Variants in ZNF292 observed in about 807,000 individuals in gnomAD.
ZNF292 encodes 16 zinc-finger domain protein.
A neutral mutation model predicts 217.9 loss-of-function variants in ZNF292; 26 were observed. The ratio of observed to expected loss-of-function variants is 0.12; its 90% confidence interval spans 0.09 to 0.17. ZNF292 has a LOEUF of 0.17. ZNF292 is among the 10% of genes least tolerant of loss of function. ZNF292 has a pLI of 1.00. For synonymous variants in ZNF292, 1,257 were observed against 1,124.1 expected (o/e 1.12, Z -2.37); for missense variants, 2,904 against 3,175.2 (o/e 0.91, Z 2.05).
intron 1 of ZNF292, among the ~76,000 whole-genome samples, chr6:87,209,289 ATTTC>A (rs985802460): frequency 6.6e-6 from 1 of 151,780 alleles, no homozygotes; most frequent in African/African-American, 2.4e-5. Flanking sequence ...TTAAGATTTT[ATTTC>A]TTTTTGTTCC....
Position 87,178,248 on chromosome 6 carries a change from G to A in ZNF292, c.168+22489G>A, listed in dbSNP as rs183989023. ...TTTCTTTCTTCTACCTCCCAAGCTG[G>A]TGTTCTTAAAAAGAGGGAACATGCC... On this transcript the variant is annotated intron_variant, in intron 1 of 7. Transcript: ENST00000369577. 7.8e-3 allele frequency among the ~76,000 whole-genome samples: 1,193 copies of A among 152,044 alleles called. 9 individuals carry two copies. The highest frequency in any genetic ancestry group is 0.012 in the Non-Finnish European group (838 of 67,978).
chr6:87,185,011 A>C (rs1771600869), intron 1 of ZNF292, among the ~76,000 whole-genome samples: 1 of 152,178 alleles, frequency 6.6e-6, no homozygotes, highest in African/African-American at 2.4e-5. Flanking sequence ...CTCACACACT[A>C]ATGTCCTCTG....
In ZNF292 at chr6:87,256,084, C is replaced by T. The variant is rs771078002; in HGVS notation, c.2455C>T (p.Arg819Cys). The change falls in exon 8 of 8, where the codon CGT (arginine) becomes TGT (cysteine). Residue 819 changes from arginine (R) to cysteine (C), a missense_variant. Around this residue, in one of 15 missense-constraint regions of ZNF292, gnomAD observed 216 missense variants for 308.3 expected, o/e 0.70. Coordinates refer to ENST00000369577, the MANE Select transcript of ZNF292 (RefSeq NM_015021.3). Reference sequence around the variant, plus strand: ...GTTCACAGGTTGTGGTAAAGTTTATCGTTCTCAGGGTGAGCTGGAAAAGCA... The same window carrying T: ...GTTCACAGGTTGTGGTAAAGTTTATTGTTCTCAGGGTGAGCTGGAAAAGCA... ...CKFTGCGKVYRSQGELEKHLD... is the reference protein window; with the variant it reads ...CKFTGCGKVYCSQGELEKHLD... The T allele has an allele frequency of 1.6e-5, 25 of 1,612,766 alleles. No individual in the cohort carries two copies. Among genetic ancestry groups the T allele is most frequent in the Non-Finnish European group, 2.0e-5 (23 of 1,179,410 alleles).
At chr6:87,193,962 T>G (rs1582403635) in intron 1 of ZNF292, among the ~76,000 whole-genome samples, 1 of 152,092 alleles carries the variant, frequency 6.6e-6, no homozygotes, top group Admixed American at 6.5e-5. Flanking sequence ...TGAGGAGAGA[T>G]AGAAGAGGGA....
chr6:87,250,578 C>T (rs1343514059), intron 7 of ZNF292, among the ~76,000 whole-genome samples: 1 of 152,096 alleles, frequency 6.6e-6, no homozygotes, highest in Non-Finnish European at 1.5e-5. Context: ...ATAAGTAATA[C>T]AGAGATGAAT....
chr6:87,171,394 G>T (rs919270837), intron 1 of ZNF292, among the ~76,000 whole-genome samples: 9 of 147,320 alleles, frequency 6.1e-5, no homozygotes, highest in East Asian at 2.0e-4. Flanking sequence ...TTTTTTGTTG[G>T]TTTTTTTTTT....
intron 1 of ZNF292, among the ~76,000 whole-genome samples, chr6:87,181,295 T>G (rs993984343): frequency 1.8e-4 from 28 of 151,436 alleles, no homozygotes; most frequent in African/African-American, 4.9e-5. Flanking sequence ...AGCCAGAAGG[T>G]GGGGAGGGGT....
At chr6:87,203,138 T>C (rs1772142287) in intron 1 of ZNF292, among the ~76,000 whole-genome samples, 2 of 148,420 alleles carry the variant, frequency 1.3e-5, no homozygotes, top group African/African-American at 5.0e-5. Context: ...TTTTCCTTTT[T>C]TTTTTTTTTT....
intron 4 of ZNF292, among the ~76,000 whole-genome samples, chr6:87,224,743 C>G (rs1773258467): frequency 6.6e-6 from 1 of 152,112 alleles, no homozygotes; most frequent in Admixed American, 6.5e-5. Context: ...AATGGCTAAA[C>G]AAACTGTGGT....
At chr6:87,191,172 T>G (rs530405330) in intron 1 of ZNF292, among the ~76,000 whole-genome samples, 24 of 152,262 alleles carry the variant, frequency 1.6e-4, no homozygotes, top group Non-Finnish European at 3.4e-4. Flanking sequence ...GTATGGACAT[T>G]CTATAATGTG....
Position 87,260,628 on chromosome 6 carries a change from C to G in ZNF292, c.6999C>G (p.Thr2333=). 3 of 1,612,046 alleles carry G rather than the reference C, an allele frequency of 1.9e-6. No homozygotes were observed. The highest frequency in any genetic ancestry group is 2.5e-6 in the Non-Finnish European group (3 of 1,179,300). The change falls in exon 8 of 8, where the codon ACC becomes ACG. Residue 2333 remains threonine, a synonymous_variant. Coordinates refer to ENST00000369577, the MANE Select transcript of ZNF292 (RefSeq NM_015021.3). The part of the protein sequence containing the change: ...CGKEGIKMPK[T]KRKKKNNLEN... ...AGGAAGGAATAAAAATGCCCAAGAC[C>G]AAACGAAAGAAAAAAAATAATTTAG...
chr6:87,193,058 C>T (rs59214037), intron 1 of ZNF292, among the ~76,000 whole-genome samples: 12,430 of 152,202 alleles, frequency 0.082, 862 homozygotes, highest in African/African-American at 0.19. Flanking sequence ...AATGGCAACT[C>T]GGCTCACTGC....
At chr6:87,204,353 T>C (rs1014522873) in intron 1 of ZNF292, among the ~76,000 whole-genome samples, 1 of 152,114 alleles carries the variant, frequency 6.6e-6, no homozygotes, top group Admixed American at 6.5e-5. Flanking sequence ...ATACTGTGGT[T>C]ATGTGGGAGA....
intron 1 of ZNF292, among the ~76,000 whole-genome samples, chr6:87,185,661 G>T (rs1376369122): frequency 6.6e-6 from 1 of 152,134 alleles, no homozygotes; most frequent in Non-Finnish European, 1.5e-5. Context: ...TAGAGATGGG[G>T]TTTCACCATG....
In ZNF292 at chr6:87,216,461, T is replaced by G. The variant is rs1037517139; in HGVS notation, c.402+84T>G. ...CTTAAAAAAATTATTCAGTTAAACT[T>G]TAAGACATCTCAATAATGACAGACA... On this transcript the variant is annotated intron_variant, in intron 3 of 7. Transcript: ENST00000369577. 5.4e-5 allele frequency: 51 copies of G among 951,718 alleles called. 1 individual carries two copies. In the Admixed American group the frequency reaches 9.3e-4, roughly 17 times the overall value. 59.0% of individuals were successfully genotyped at this position (951,718 alleles called of 1,614,324 possible). A position where few individuals can be genotyped will look rare whatever the true frequency, so the allele number is the denominator to read the frequency against.
At chr6:87,247,378 A>C (rs954730419) in intron 7 of ZNF292, among the ~76,000 whole-genome samples, 6 of 152,078 alleles carry the variant, frequency 3.9e-5, no homozygotes, top group Admixed American at 3.9e-4. Flanking sequence ...AGACTAGAAA[A>C]ATAATACTGT....
intron 1 of ZNF292, among the ~76,000 whole-genome samples, chr6:87,166,430 A>G (rs1378066959): frequency 1.3e-5 from 2 of 152,198 alleles, no homozygotes; most frequent in African/African-American, 2.4e-5. Flanking sequence ...AGGCTGAGGT[A>G]AGGGATGATA....
chr6:87,177,021 A>G (rs980549593), intron 1 of ZNF292, among the ~76,000 whole-genome samples: 44 of 151,248 alleles, frequency 2.9e-4, no homozygotes, highest in African/African-American at 1.1e-3. Context: ...CTCCCCACAG[A>G]CACACACTTA....
intron 1 of ZNF292, among the ~76,000 whole-genome samples, chr6:87,186,278 C>G (rs1420214033): frequency 1.3e-5 from 2 of 152,170 alleles, no homozygotes; most frequent in African/African-American, 2.4e-5. Context: ...TTTTTAAATT[C>G]ACAGTAAAAC....
Sources: allele counts gnomAD v4.1 joint callset (sites outside exome capture counted in the v4.1 genomes callset), GRCh38; gene constraint gnomAD v4.1.1; regional missense constraint gnomAD v4.1.1; transcripts MANE v1.5; gene names NCBI Gene and HGNC (gene_info 2026-07-23, HGNC 2026-07-21).